SYMPK: variants seen among roughly 807,000 people sequenced by gnomAD.
SYMPK encodes the protein symplekin scaffold protein, also known as symplekin.
Under a neutral mutation model 136.4 loss-of-function variants are expected in SYMPK, and 49 were observed. The ratio of observed to expected loss-of-function variants is 0.36; its 90% confidence interval spans 0.29 to 0.46. SYMPK has a LOEUF of 0.46. Ranked by LOEUF, SYMPK falls within the 20% of genes least tolerant of loss-of-function variation. SYMPK has a pLI of 1.00. For missense variants in SYMPK, 1,365 were observed against 1,690.0 expected, an observed-to-expected ratio of 0.81 and a Z score of 3.37; for synonymous variants, 766 against 713.0, an observed-to-expected ratio of 1.07 and a Z score of -1.19.
chr19:45,821,091 C>T lies in SYMPK; in HGVS notation c.2893+293G>A. 1.5e-6 allele frequency: 1 copy of T among 651,546 alleles called. No individual in the cohort carries two copies. The highest frequency in any genetic ancestry group is 2.8e-6 in the Non-Finnish European group (1 of 362,614). 40.4% of individuals were successfully genotyped at this position (651,546 alleles called of 1,614,324 possible). A position where few individuals can be genotyped will look rare whatever the true frequency, so the allele number is the denominator to read the frequency against. On this transcript the variant is annotated intron_variant, in intron 22 of 26. Transcript: ENST00000245934. This position sits in a 1 kb window ranked among gnomAD's most constrained non-coding sequence, Gnocchi z 4.4. ...TCCTCGGGGCTAGGGGTGGGGCTAC[C>T]CAACTGCTTTAGGCCCACTCTGTGC...
chr19:45,858,109 C>A (rs1013324262), intron 1 of SYMPK, among the ~76,000 whole-genome samples: 1 of 151,928 alleles, frequency 6.6e-6, no homozygotes, highest in Non-Finnish European at 1.5e-5. Flanking sequence ...GAAAATGACA[C>A]GTTTTTTAAA....
At chr19:45,849,304 C>T (rs1445004251) in intron 5 of SYMPK, among the ~76,000 whole-genome samples, 2 of 152,192 alleles carry the variant, frequency 1.3e-5, no homozygotes. Context: ...AAACACCAGC[C>T]ATTGCTACTT....
intron 1 of SYMPK, 73 bp downstream of exon 1, chr19:45,862,985 C>T: frequency 2.5e-6 from 1 of 392,880 alleles, no homozygotes; most frequent in Non-Finnish European, 4.5e-6. Flanking sequence ...GCGATGCCCT[C>T]CCCGCCCGAG....
At chr19:45,833,243 C>CA (rs759760911) in intron 11 of SYMPK, among the ~76,000 whole-genome samples, 6 of 151,616 alleles carry the variant, frequency 4.0e-5, no homozygotes, top group African/African-American at 1.2e-4. Context: ...CAAAAAAACA[C>CA]AAAAAACCAT....
rs1224015351 is a variant in SYMPK, at chr19:45,853,820, T to C, written c.171+355A>G. On this transcript the variant is annotated intron_variant, in intron 3 of 26. Coordinates refer to ENST00000245934, the MANE Select transcript of SYMPK (RefSeq NM_004819.3). Reference sequence around the variant, plus strand: ...GGTCATCATTGCCTGGTGACAGGAATGTCTGCCCCACTGGACTGGACACTG... The same window carrying C: ...GGTCATCATTGCCTGGTGACAGGAACGTCTGCCCCACTGGACTGGACACTG... Among the ~76,000 whole-genome samples, 3 of 152,136 alleles carry C rather than the reference T, an allele frequency of 2.0e-5. No homozygotes were observed. The East Asian group carries it at 5.8e-4, about 29-fold the overall frequency.
intron 11 of SYMPK, among the ~76,000 whole-genome samples, chr19:45,834,614 G>T (rs1352405973): frequency 6.6e-6 from 1 of 152,066 alleles, no homozygotes; most frequent in Non-Finnish European, 1.5e-5. Flanking sequence ...AAATCCAAAG[G>T]TCTGAAATCT....
intron 5 of SYMPK, among the ~76,000 whole-genome samples, chr19:45,851,035 C>CA (rs1358040591): frequency 6.6e-6 from 1 of 151,946 alleles, no homozygotes; most frequent in Non-Finnish European, 1.5e-5. Context: ...GCAGGGGAGA[C>CA]AGAGAGGATC....
rs1456501107 is a variant in SYMPK at position 45,829,066 on chromosome 19, T to C, written c.1889A>G (p.Tyr630Cys). The stretch of plus-strand genomic sequence containing the variant: ...GGAGCCCGAGGCACCTGCGGCCAGG[T>C]AGGCGTTGTACTCCTGGTAGAGCCA... ...FAWLYQEYNA[Y>C]LAAGASGSLD... Residue 630 changes from tyrosine to cysteine, a missense_variant, in exon 14 of 27, where the codon TAC becomes TGC. Physicochemically the swap from Tyr to Cys is radical, Grantham distance 194. Coordinates refer to ENST00000245934, the MANE Select transcript of SYMPK (RefSeq NM_004819.3). 3 of 1,614,018 alleles carry C rather than the reference T, an allele frequency of 1.9e-6. No homozygotes were observed. Among genetic ancestry groups the C allele is most frequent in the African/African-American group, 2.7e-5 (2 of 74,900 alleles).
chr19:45,849,784 G>A (rs1173112043), intron 5 of SYMPK, among the ~76,000 whole-genome samples: 4 of 152,054 alleles, frequency 2.6e-5, no homozygotes, highest in African/African-American at 7.2e-5. Context: ...AGTGGCTCAC[G>A]CCTGTAATCC....
At chr19:45,844,278 A>G in intron 7 of SYMPK, 78 bp from the exon 8 acceptor site, 1 of 1,220,578 alleles carries the variant, frequency 8.2e-7, no homozygotes, top group Non-Finnish European at 1.1e-6. Flanking sequence ...TGGGACTAAA[A>G]GGAAGGACAG....
At chr19:45,835,613 G>T (rs563417786) in intron 10 of SYMPK, among the ~76,000 whole-genome samples, 2 of 152,230 alleles carry the variant, frequency 1.3e-5, no homozygotes, top group South Asian at 2.1e-4. Context: ...CTGGCACCCT[G>T]TCCAGAGAAC....
intron 9 of SYMPK, among the ~76,000 whole-genome samples, chr19:45,841,738 G>A (rs1256574209): frequency 2.6e-5 from 4 of 152,090 alleles, no homozygotes; most frequent in African/African-American, 9.7e-5. Context: ...AATTACTTCA[G>A]AAAGAAAATT....
chr19:45,819,340 T>G (rs1435708257), intron 22 of SYMPK: 1 of 152,320 alleles, frequency 6.6e-6, no homozygotes, highest in Non-Finnish European at 1.5e-5. Flanking sequence ...GACTCCTGTG[T>G]GGGCAGGCCC....
chr19:45,831,679 C>CAGG, intron 11 of SYMPK, 91 bp from the exon 12 acceptor site: 2 of 1,077,104 alleles, frequency 1.9e-6, no homozygotes, highest in Non-Finnish European at 2.6e-6. Flanking sequence ...TGTTCTGAGC[C>CAGG]CTGTACACAC....
At chr19:45,832,712 T>C (rs1357736347) in intron 11 of SYMPK, among the ~76,000 whole-genome samples, 1 of 151,524 alleles carries the variant, frequency 6.6e-6, no homozygotes, top group East Asian at 1.9e-4. Flanking sequence ...ATGAAGAATC[T>C]CAAAAATGTA....
chr19:45,820,808 C>T, intron 22 of SYMPK: 2 of 322,950 alleles, frequency 6.2e-6, no homozygotes, highest in Non-Finnish European at 1.1e-5. Flanking sequence ...GCCTCCATTT[C>T]CTGTCTACAC....
intron 9 of SYMPK, among the ~76,000 whole-genome samples, chr19:45,840,208 G>A (rs1431007818): frequency 3.3e-5 from 5 of 151,206 alleles, no homozygotes; most frequent in Non-Finnish European, 7.4e-5. Context: ...CCAGCTACTC[G>A]GGAGGCTGAG....
Position 45,816,289 on chromosome 19 carries a change from G to C in SYMPK, c.3355-106C>G, listed in dbSNP as rs533731518. 4.7e-5 allele frequency: 52 copies of C among 1,115,070 alleles called. No individual in the cohort carries two copies. In the South Asian group the frequency reaches 7.4e-4, roughly 16 times the overall value. The allele number at this position is 1,115,070 out of a possible 1,614,324, so 69.1% of individuals were successfully genotyped here. On this transcript the variant is annotated intron_variant, in intron 25 of 26. Coordinates refer to ENST00000245934, the MANE Select transcript of SYMPK (RefSeq NM_004819.3). The stretch of plus-strand genomic sequence containing the variant: ...GTGGTCTTTGAGTTCTTCACCAAGA[G>C]CATGGGGAGGAAGGGGCAGTTGTCC...
At chr19:45,837,934 C>G (rs1042896273) in intron 10 of SYMPK, among the ~76,000 whole-genome samples, 3 of 152,066 alleles carry the variant, frequency 2.0e-5, no homozygotes, top group African/African-American at 7.2e-5. Flanking sequence ...GCTCCTGGGA[C>G]GTCCAAAAGG....
Sources: allele counts gnomAD v4.1 joint callset (sites outside exome capture counted in the v4.1 genomes callset), GRCh38; gene constraint gnomAD v4.1.1; non-coding constraint Gnocchi (gnomAD v3.1); transcripts MANE v1.5; gene names NCBI Gene and HGNC (gene_info 2026-07-23, HGNC 2026-07-21).